Variants in ANKS3 observed in about 807,000 individuals in gnomAD.
ANKS3 encodes ankyrin repeat and SAM domain-containing protein 3.
ANKS3 carries 62 observed loss-of-function variants against 80.7 expected under a neutral mutation model. That is an observed-to-expected ratio of 0.77 (90% CI 0.63 to 0.95). The LOEUF (loss-of-function observed/expected upper bound fraction) is 0.95, where lower values mean the gene tolerates loss of function less well. Among genes scored for constraint, ANKS3 ranks in the 40% least tolerant of loss-of-function variants. The pLI is 0.00. For synonymous variants in ANKS3, 489 were observed against 355.3 expected (o/e 1.38, Z -4.23); for missense variants, 1,150 against 883.6 (o/e 1.30, Z -3.82).
intron 7 of ANKS3, among the ~76,000 whole-genome samples, chr16:4,712,713 T>C (rs559892739): frequency 7.9e-5 from 12 of 152,290 alleles, no homozygotes; most frequent in Non-Finnish European, 1.6e-4. Context: ...CAGCCTCTCA[T>C]GTAACGTGGC....
intron 7 of ANKS3, among the ~76,000 whole-genome samples, chr16:4,710,135 G>C (rs12926727): frequency 7.2e-5 from 11 of 152,154 alleles, no homozygotes; most frequent in Non-Finnish European, 1.3e-4. Context: ...GGGGTGGGGA[G>C]GTAGTGGGAG....
chr16:4,716,535 C>T (rs756337401), intron 6 of ANKS3, among the ~76,000 whole-genome samples: 3 of 152,090 alleles, frequency 2.0e-5, no homozygotes, highest in Non-Finnish European at 2.9e-5. Flanking sequence ...TGTGTTTTCA[C>T]AAAGTATAAG....
At position 4,702,215 on chromosome 16, in the gene ANKS3, G is replaced by A; in HGVS notation, c.896C>T (p.Thr299Ile). ...YEQAPPRGYV[T>I]FNSSGENPLE... ...GGGGTTCTCGCCACTGCTGTTGAAG[G>A]TGACATAGCCACGGGGAGGAGCCTG... Residue 299 changes from threonine to isoleucine, a missense_variant, in exon 9 of 18, where the codon ACC (threonine) becomes ATC (isoleucine). Physicochemically the swap from Thr to Ile is moderately conservative, Grantham distance 89. Transcript: ENST00000304283. 1 of 1,586,848 alleles carries A rather than the reference G, an allele frequency of 6.3e-7. No individual in the cohort carries two copies. Among genetic ancestry groups the A allele is most frequent in the Non-Finnish European group, 8.6e-7 (1 of 1,167,144 alleles).
intron 3 of ANKS3, among the ~76,000 whole-genome samples, chr16:4,728,799 T>A (rs2081484070): frequency 6.6e-6 from 1 of 152,158 alleles, no homozygotes; most frequent in South Asian, 2.1e-4. Flanking sequence ...AACGTGACCC[T>A]TTGAGGGGCC....
chr16:4,699,379 G>A (rs1567302407), intron 11 of ANKS3: 1 of 639,238 alleles, frequency 1.6e-6, no homozygotes, highest in Non-Finnish European at 2.7e-6. Flanking sequence ...ACTATGGTCG[G>A]CCACGTGGGG....
At chr16:4,707,754 A>G (rs569166156) in intron 7 of ANKS3, among the ~76,000 whole-genome samples, 1 of 152,348 alleles carries the variant, frequency 6.6e-6, no homozygotes, top group Non-Finnish European at 1.5e-5. Context: ...ACTCACAGAT[A>G]TGCTAAACTG....
At chr16:4,719,957 T>C (rs748497256) in intron 6 of ANKS3, among the ~76,000 whole-genome samples, 1 of 115,732 alleles carries the variant, frequency 8.6e-6, no homozygotes, top group African/African-American at 3.4e-5. Context: ...AGGTCAGGAG[T>C]TCGAGACCAG....
chr16:4,700,607 C>G, intron 11 of ANKS3: 2 of 378,062 alleles, frequency 5.3e-6, no homozygotes. Context: ...GCAGCTGTAA[C>G]CATCACCAAG....
intron 1 of ANKS3, among the ~76,000 whole-genome samples, chr16:4,733,083 T>C (rs1487847953): frequency 6.6e-6 from 1 of 150,684 alleles, no homozygotes; most frequent in Admixed American, 6.7e-5. Flanking sequence ...TAACCAAGGC[T>C]GGGAAGGGTA....
chr16:4,710,684 T>C (rs1434417997), intron 7 of ANKS3, among the ~76,000 whole-genome samples: 1 of 152,166 alleles, frequency 6.6e-6, no homozygotes, highest in Non-Finnish European at 1.5e-5. Context: ...GACTCCAGCC[T>C]GGGTGACAAA....
At chr16:4,726,931 G>A in intron 4 of ANKS3, 48 bp downstream of exon 4, 1 of 1,611,074 alleles carries the variant, frequency 6.2e-7, no homozygotes, top group East Asian at 2.2e-5. Flanking sequence ...TGTCAGGGTG[G>A]CCACGGAGCC....
At chr16:4,708,658 C>T (rs11859894) in intron 7 of ANKS3, among the ~76,000 whole-genome samples, 6,754 of 152,052 alleles carry the variant, frequency 0.044, 461 homozygotes, top group African/African-American at 0.15. Context: ...GAAGAGGCTG[C>T]GCACGGTGGC....
intron 3 of ANKS3, among the ~76,000 whole-genome samples, chr16:4,729,009 G>T (rs375169947): frequency 6.6e-6 from 1 of 152,192 alleles, no homozygotes; most frequent in African/African-American, 2.4e-5. Flanking sequence ...CGCAGAGAGA[G>T]GAAGAGAGGT....
At chr16:4,724,117 G>A (rs1172231033) in intron 6 of ANKS3, among the ~76,000 whole-genome samples, 2 of 152,142 alleles carry the variant, frequency 1.3e-5, no homozygotes, top group Admixed American at 1.3e-4. Flanking sequence ...AACTGCAAAT[G>A]TATTAAAGCT....
intron 7 of ANKS3, 115 bp from the exon 8 acceptor site, chr16:4,705,368 G>T: frequency 7.8e-7 from 1 of 1,280,600 alleles, no homozygotes; most frequent in Non-Finnish European, 1.1e-6. Flanking sequence ...TAAGGAGAAG[G>T]GTATCTGCCA....
Position 4,698,485 on chromosome 16 carries a change from G to A in ANKS3, c.1666C>T (p.Arg556Trp), listed in dbSNP as rs769824676. 1.8e-5 allele frequency: 28 copies of A among 1,550,522 alleles called. No individual in the cohort carries two copies. The highest frequency in any genetic ancestry group is 1.2e-4 in the South Asian group (10 of 85,366). The change falls in exon 14 of 18, where the codon CGG (arginine) becomes TGG (tryptophan). Residue 556 changes from arginine to tryptophan, a missense_variant. Coordinates refer to ENST00000304283, the MANE Select transcript of ANKS3 (RefSeq NM_133450.4). ...QDRAREDLQA[R>W]LRETWALARD... ...GCCAGGGCCCACGTCTCCCGCAGCC[G>A]GGCCTGGAGGTCCTCGCGGGCGCGG...
chr16:4,714,990 C>CAAAAA (rs753327026), intron 6 of ANKS3, among the ~76,000 whole-genome samples: 401 of 36,608 alleles, frequency 0.011, 43 homozygotes, highest in African/African-American at 0.048. Context: ...GACTCTGTCT[C>CAAAAA]AAAAAAAAAA....
At chr16:4,720,779 A>C (rs1353431562) in intron 6 of ANKS3, among the ~76,000 whole-genome samples, 3 of 150,558 alleles carry the variant, frequency 2.0e-5, no homozygotes, top group Non-Finnish European at 4.4e-5. Flanking sequence ...GTCTACTAAA[A>C]ATACAAAATT....
At chr16:4,730,285 C>T in intron 2 of ANKS3, 134 bp from the exon 3 acceptor site, 1 of 780,968 alleles carries the variant, frequency 1.3e-6, no homozygotes, top group East Asian at 3.3e-5. Context: ...GGGAGTAACT[C>T]AGACAAATTT....
Sources: allele counts gnomAD v4.1 joint callset (sites outside exome capture counted in the v4.1 genomes callset), GRCh38; gene constraint gnomAD v4.1.1; transcripts MANE v1.5; gene names NCBI Gene and HGNC (gene_info 2026-07-23, HGNC 2026-07-21).